Variants in DLG2 observed in about 807,000 individuals in gnomAD.
DLG2 encodes disks large homolog 2.
In DLG2, 45 loss-of-function variants were observed where a neutral mutation model predicts 132.5. The ratio of observed to expected loss-of-function variants is 0.34; its 90% confidence interval spans 0.27 to 0.44. The LOEUF (loss-of-function observed/expected upper bound fraction) is 0.44. DLG2 is among the 20% of genes least tolerant of loss of function. The pLI, the probability that DLG2 is intolerant of heterozygous loss-of-function variation, is 1.00. For synonymous variants in DLG2, 424 were observed against 419.6 expected (o/e 1.01, Z -0.13); for missense variants, 1,045 against 1,196.9 (o/e 0.87, Z 1.87).
At chr11:85,576,839 C>T (rs775115553) in intron 3 of DLG2, among the ~76,000 whole-genome samples, 8 of 151,810 alleles carry the variant, frequency 5.3e-5, no homozygotes, top group East Asian at 1.9e-4. Context: ...AAAAGAGTAA[C>T]GGGAGAAGGG....
At chr11:84,628,107 C>T (rs376224071) in intron 6 of DLG2, among the ~76,000 whole-genome samples, 6 of 149,998 alleles carry the variant, frequency 4.0e-5, no homozygotes, top group Middle Eastern at 3.5e-3. Context: ...TATATACACA[C>T]ATATATATAT....
chr11:83,692,538 T>C (rs1453930363), intron 18 of DLG2, among the ~76,000 whole-genome samples: 1 of 152,038 alleles, frequency 6.6e-6, no homozygotes, highest in African/African-American at 2.4e-5. Flanking sequence ...CTTTTGGAGA[T>C]GATGAAAATG....
At chr11:83,530,901 T>C (rs187529741) in intron 21 of DLG2, among the ~76,000 whole-genome samples, 1 of 152,108 alleles carries the variant, frequency 6.6e-6, no homozygotes, top group East Asian at 1.9e-4. Context: ...TATAAATAAT[T>C]ATATTTATGT....
At chr11:84,832,005 A>G (rs1015486886) in intron 6 of DLG2, among the ~76,000 whole-genome samples, 2 of 151,664 alleles carry the variant, frequency 1.3e-5, no homozygotes, top group African/African-American at 4.8e-5. Context: ...CAGGAAATAA[A>G]AAGTATTGTG....
chr11:85,576,158 T>C (rs1018936593), intron 3 of DLG2, among the ~76,000 whole-genome samples: 5 of 152,212 alleles, frequency 3.3e-5, no homozygotes, highest in Admixed American at 6.6e-5. Flanking sequence ...AAGAGATCCA[T>C]ATTTTTATTC....
intron 7 of DLG2, among the ~76,000 whole-genome samples, chr11:84,471,097 G>A (rs1189924496): frequency 6.6e-6 from 1 of 151,420 alleles, no homozygotes; most frequent in Non-Finnish European, 1.5e-5. Flanking sequence ...TCTCTTCACT[G>A]AGGGCCAAGA....
chr11:84,194,857 C>A (rs1325863040), intron 8 of DLG2, among the ~76,000 whole-genome samples: 1 of 152,166 alleles, frequency 6.6e-6, no homozygotes, highest in African/African-American at 2.4e-5. Context: ...CCTCTCACTG[C>A]CTGGGGCCGG....
chr11:85,146,540 C>A (rs1179590616), intron 5 of DLG2, among the ~76,000 whole-genome samples: 1 of 152,062 alleles, frequency 6.6e-6, no homozygotes, highest in Non-Finnish European at 1.5e-5. Context: ...GGAGCTAGGA[C>A]CTGGAATTAA....
intron 10 of DLG2, among the ~76,000 whole-genome samples, chr11:84,066,792 G>C (rs1429308895): frequency 6.6e-6 from 1 of 152,026 alleles, no homozygotes; most frequent in Non-Finnish European, 1.5e-5. Flanking sequence ...AAAGGTAGAT[G>C]TTAGGTCACA....
intron 6 of DLG2, among the ~76,000 whole-genome samples, chr11:84,915,729 A>T (rs2092412541): frequency 6.6e-6 from 1 of 152,220 alleles, no homozygotes; most frequent in South Asian, 2.1e-4. Context: ...CTTGTTGTGC[A>T]TCTATTCTTA....
chr11:84,849,509 T>C (rs928056226), intron 6 of DLG2, among the ~76,000 whole-genome samples: 1 of 152,136 alleles, frequency 6.6e-6, no homozygotes, highest in African/African-American at 2.4e-5. Flanking sequence ...TCTCCTTTTT[T>C]TTTCCTAGAC....
At position 85,519,943 on chromosome 11, in the gene DLG2, G is replaced by A. The variant is rs532586731; in HGVS notation, c.40+78714C>T. On this transcript the variant is annotated intron_variant, in intron 3 of 27. Coordinates refer to ENST00000376104, the MANE Select transcript of DLG2 (RefSeq NM_001142699.3). ...ATGATTGTGAGGCCTCCCCAGCCAC[G>A]TAGAACTGTAAGTCCAATAAACCCC... Among the ~76,000 whole-genome samples, 9 of 152,224 alleles carry A rather than the reference G, an allele frequency of 5.9e-5. No individual in the cohort carries two copies. The South Asian group carries it at 8.3e-4, about 14-fold the overall frequency.
intron 19 of DLG2, among the ~76,000 whole-genome samples, chr11:83,553,606 C>T (rs1227967649): frequency 6.6e-6 from 1 of 151,680 alleles, no homozygotes; most frequent in African/African-American, 2.4e-5. Flanking sequence ...TCTTCTTGTA[C>T]ACATTTTTGC....
At chr11:85,076,963 A>G (rs145213555) in intron 6 of DLG2, among the ~76,000 whole-genome samples, 1 of 152,134 alleles carries the variant, frequency 6.6e-6, no homozygotes, top group Non-Finnish European at 1.5e-5. Context: ...CATTCTACAT[A>G]TATTTATTTA....
At chr11:83,535,385 G>A (rs755655569) in intron 20 of DLG2, among the ~76,000 whole-genome samples, 26 of 152,134 alleles carry the variant, frequency 1.7e-4, no homozygotes, top group Non-Finnish European at 2.9e-4. Context: ...CAGAATGTCA[G>A]GAGGAACTCA....
chr11:83,991,976 A>T (rs2093742833), intron 11 of DLG2, among the ~76,000 whole-genome samples: 3 of 152,148 alleles, frequency 2.0e-5, no homozygotes, highest in African/African-American at 7.2e-5. Flanking sequence ...CACAGAAATA[A>T]AAAATACACA....
At chr11:85,484,200 C>T (rs1044277174) in intron 3 of DLG2, among the ~76,000 whole-genome samples, 4 of 150,234 alleles carry the variant, frequency 2.7e-5, no homozygotes, top group African/African-American at 9.8e-5. Flanking sequence ...CTTTCCCGCC[C>T]CCCGTTCCTC....
chr11:84,859,555 C>A (rs527278267), intron 6 of DLG2, among the ~76,000 whole-genome samples: 1 of 150,178 alleles, frequency 6.7e-6, no homozygotes, highest in South Asian at 2.1e-4. Flanking sequence ...TACTAAAATA[C>A]AAGTAATGTT....
At chr11:85,266,498 T>C (rs1248261543) in intron 4 of DLG2, among the ~76,000 whole-genome samples, 1 of 152,082 alleles carries the variant, frequency 6.6e-6, no homozygotes, top group Non-Finnish European at 1.5e-5. Flanking sequence ...TCAGGAGAAG[T>C]ACCTAATGTA....
Sources: allele counts gnomAD v4.1 joint callset (sites outside exome capture counted in the v4.1 genomes callset), GRCh38; gene constraint gnomAD v4.1.1; transcripts MANE v1.5; gene names NCBI Gene and HGNC (gene_info 2026-07-23, HGNC 2026-07-21).